The following SLC15A5 variants were observed in gnomAD, a reference collection of about 807,000 sequenced individuals.
SLC15A5 encodes solute carrier family 15 member 5.
Under a neutral mutation model 56.1 loss-of-function variants are expected in SLC15A5, and 58 were observed. That is an observed-to-expected ratio of 1.03 (90% confidence interval 0.84 to 1.29). SLC15A5 has a LOEUF of 1.29. Ranked by LOEUF, SLC15A5 falls within the 50% of genes most tolerant of loss-of-function variation. The pLI is 0.00. For missense variants in SLC15A5, 681 were observed against 672.1 expected, an observed-to-expected ratio of 1.01 and a Z score of -0.15; for synonymous variants, 264 against 250.5, an observed-to-expected ratio of 1.05 and a Z score of -0.51.
chr12:16,222,267 A>G (rs1864195162), intron 6 of SLC15A5, among the ~76,000 whole-genome samples: 1 of 152,198 alleles, frequency 6.6e-6, no homozygotes, highest in Non-Finnish European at 1.5e-5. Context: ...TCACAGAGTT[A>G]GTCAGTGACA....
In SLC15A5 at chr12:16,243,720, C is replaced by T. The variant is rs1864435400; in HGVS notation, c.975+860G>A. ...ACAGATTCCGCTTTCCCTTACACTA[C>T]TATTAACTGTGACCTACGGTGCCTC... On this transcript the variant is annotated intron_variant, in intron 4 of 8. Coordinates refer to ENST00000344941, the MANE Select transcript of SLC15A5 (RefSeq NM_001170798.1). This position sits in a 1 kb window ranked among gnomAD's most constrained non-coding sequence, Gnocchi z 4.4. 6.6e-6 allele frequency among the ~76,000 whole-genome samples: 1 copy of T among 152,172 alleles called. No individual in the cohort carries two copies. Among genetic ancestry groups the T allele is most frequent in the Non-Finnish European group, 1.5e-5 (1 of 68,038 alleles).
intron 8 of SLC15A5, among the ~76,000 whole-genome samples, chr12:16,191,886 G>A (rs938557145): frequency 6.6e-6 from 1 of 152,074 alleles, no homozygotes; most frequent in Non-Finnish European, 1.5e-5. Flanking sequence ...TTCTTTTCCT[G>A]TGGGGTGCTC....
At chr12:16,236,286 A>G (rs2136255915) in intron 5 of SLC15A5, among the ~76,000 whole-genome samples, 1 of 152,356 alleles carries the variant, frequency 6.6e-6, no homozygotes, top group Middle Eastern at 3.4e-3. Flanking sequence ...AAGATAAATT[A>G]CAATAATATC....
Position 16,239,827 on chromosome 12 carries a change from A to G in SLC15A5, c.1016T>C (p.Leu339Pro), listed in dbSNP as rs968956846. Residue 339 changes from leucine (L) to proline (P), a missense_variant, in exon 5 of 9, where the codon CTG (leucine) becomes CCG (proline). Leu to Pro is a moderately conservative substitution (Grantham distance 98, BLOSUM62 -3). Transcript: ENST00000344941. ...GYYLQTMNSN[L>P]NLDGFLLPIA... The stretch of plus-strand genomic sequence containing the variant: ...CGGCAGAAGAAATCCATCCAAATTC[A>G]GGTTGGAATTCATAGTTTGCAGATA... 8.5e-6 allele frequency: 13 copies of G among 1,537,068 alleles called. No individual in the cohort carries two copies. Among genetic ancestry groups the G allele is most frequent in the African/African-American group, 4.1e-5 (3 of 73,038 alleles).
chr12:16,277,603 A>G lies in SLC15A5; in HGVS notation c.83T>C (p.Ile28Thr). ...SIEKEKTVRH[I>T]GDLCSSHSVK... ...AGAGTGTGAGGAACACAAATCGCCA[A>G]TATGTCTTACAGTTTTCTCCTTCTC... Residue 28 changes from isoleucine (I) to threonine (T), a missense_variant, in exon 1 of 9, where the codon ATT becomes ACT. Physicochemically the swap from Ile to Thr is moderately conservative, Grantham distance 89. Coordinates refer to ENST00000344941, the MANE Select transcript of SLC15A5 (RefSeq NM_001170798.1). 1.3e-6 allele frequency: 2 copies of G among 1,536,438 alleles called. No individual in the cohort carries two copies. The highest frequency in any genetic ancestry group is 1.7e-6 in the Non-Finnish European group (2 of 1,146,366).
chr12:16,230,455 A>G (rs954433040), intron 5 of SLC15A5, among the ~76,000 whole-genome samples: 4 of 152,162 alleles, frequency 2.6e-5, no homozygotes, highest in South Asian at 4.1e-4. Context: ...ATCCCAGACA[A>G]TAGAAGCACA....
chr12:16,224,640 G>T, intron 5 of SLC15A5, 38 bp from the exon 6 acceptor site: 1 of 1,499,498 alleles, frequency 6.7e-7, no homozygotes, highest in Non-Finnish European at 8.9e-7. Flanking sequence ...AAAGTTAAAC[G>T]AAGAGCTAGA....
intron 7 of SLC15A5, among the ~76,000 whole-genome samples, chr12:16,207,230 A>C (rs761247006): frequency 2.6e-5 from 4 of 152,218 alleles, no homozygotes; most frequent in Non-Finnish European, 5.9e-5. Context: ...CTGAATTAAT[A>C]AATCAGTCTA....
intron 3 of SLC15A5, among the ~76,000 whole-genome samples, chr12:16,247,812 A>G (rs1864477556): frequency 6.6e-6 from 1 of 152,098 alleles, no homozygotes; most frequent in South Asian, 2.1e-4. Context: ...TTTATCTACA[A>G]TATTATAGAA....
At chr12:16,255,246 C>A (rs1276547223) in intron 3 of SLC15A5, among the ~76,000 whole-genome samples, 1 of 151,838 alleles carries the variant, frequency 6.6e-6, no homozygotes, top group Admixed American at 6.6e-5. Flanking sequence ...TTTTTTACCA[C>A]AATAAATACC....
chr12:16,245,412 T>G (rs1864452325), intron 3 of SLC15A5, among the ~76,000 whole-genome samples: 1 of 152,188 alleles, frequency 6.6e-6, no homozygotes, highest in South Asian at 2.1e-4. Context: ...TCCAGTAGTT[T>G]CTTCTAGGTT....
chr12:16,208,776 T>C (rs1397858351), intron 7 of SLC15A5, among the ~76,000 whole-genome samples: 2 of 152,210 alleles, frequency 1.3e-5, no homozygotes, highest in African/African-American at 4.8e-5. Context: ...TGAGGAATTA[T>C]TTTTTAGTGT....
chr12:16,202,612 C>T (rs939178611), intron 7 of SLC15A5, among the ~76,000 whole-genome samples: 23 of 152,072 alleles, frequency 1.5e-4, no homozygotes, highest in African/African-American at 5.3e-4. Context: ...GATATATATC[C>T]GAAGGAGTTG....
rs1168074082 is a variant in SLC15A5 at position 16,235,314 on chromosome 12, A to ATATATG, written c.1162+4361_1162+4366dup. ...TGTATATGTATATGTATATATATGT[A>ATATATG]TATATGTATATGTATATGTACATAT... On this transcript the variant is annotated intron_variant, in intron 5 of 8. Coordinates refer to ENST00000344941, the MANE Select transcript of SLC15A5 (RefSeq NM_001170798.1). This position sits in a 1 kb window ranked among gnomAD's most constrained non-coding sequence, Gnocchi z 4.1. 3.3e-5 allele frequency among the ~76,000 whole-genome samples: 5 copies of ATATATG among 149,326 alleles called. No individual in the cohort carries two copies. The highest frequency in any genetic ancestry group is 5.9e-5 in the Non-Finnish European group (4 of 67,440).
chr12:16,271,989 A>C lies in SLC15A5; in HGVS notation c.584+572T>G, dbSNP rs1251691550. On this transcript the variant is annotated intron_variant, in intron 2 of 8. Coordinates refer to ENST00000344941, the MANE Select transcript of SLC15A5 (RefSeq NM_001170798.1). This position sits in a 1 kb window ranked among gnomAD's most constrained non-coding sequence, Gnocchi z 8.0. ...GTGATGCTTTAACAAATTGCAAAAT[A>C]CTTCTTTCATCTTTGCATCTTCTCT... Among the ~76,000 whole-genome samples the C allele has an allele frequency of 6.6e-6, 1 of 152,142 alleles. No homozygotes were observed. Among genetic ancestry groups the C allele is most frequent in the African/African-American group, 2.4e-5 (1 of 41,444 alleles).
intron 7 of SLC15A5, among the ~76,000 whole-genome samples, chr12:16,209,651 T>G (rs181667171): frequency 1.3e-5 from 2 of 152,176 alleles, no homozygotes; most frequent in African/African-American, 4.8e-5. Flanking sequence ...CAGTAGCTCA[T>G]GGCAGAAACT....
chr12:16,267,553 G>A lies in SLC15A5; in HGVS notation c.584+5008C>T, dbSNP rs1864709083. On this transcript the variant is annotated intron_variant, in intron 2 of 8. Transcript: ENST00000344941. ...ATTGATTTTGGTAACTAGACATTAG[G>A]ATTGAAGAAGTTAAGTTTTTAATTT... 1.8e-5 allele frequency among the ~76,000 whole-genome samples: 2 copies of A among 113,202 alleles called. 1 individual carries two copies. The highest frequency in any genetic ancestry group is 3.7e-5 in the Non-Finnish European group (2 of 53,650). 74.3% of individuals were successfully genotyped at this position (113,202 alleles called of 152,430 possible).
chr12:16,224,423 T>G lies in SLC15A5; in HGVS notation c.1342A>C (p.Asn448His). The G allele has an allele frequency of 1.3e-6, 2 of 1,537,174 alleles. No homozygotes were observed. The highest frequency in any genetic ancestry group is 2.4e-5 in the South Asian group (2 of 84,052). The change falls in exon 6 of 9, where the codon AAC becomes CAC. Residue 448 changes from asparagine (N) to histidine (H), a missense_variant. Transcript: ENST00000344941. ...AAAGGTGTTTACTCACGGGCTGGGT[T>G]TACCAGTGTTTCCGCCACTCCAAGT... ...VLLGVAETLV[N>H]PALSVISYRF...
intron 1 of SLC15A5, 81 bp downstream of exon 1, chr12:16,277,244 G>GA (rs1449668404): frequency 1.4e-5 from 19 of 1,313,696 alleles, no homozygotes; most frequent in Non-Finnish European, 1.8e-5. Flanking sequence ...AGAGCAGAGT[G>GA]AAAATAATAT....
Sources: gnomAD v4.1 joint callset for allele counts (sites outside exome capture counted in the v4.1 genomes callset) on GRCh38, gnomAD v4.1.1 for gene constraint, Gnocchi (gnomAD v3.1) non-coding constraint, MANE v1.5 for transcripts, NCBI Gene and HGNC (gene_info 2026-07-23, HGNC 2026-07-21) for gene names.